Variants in SRGAP1 observed in about 807,000 individuals in gnomAD.
SRGAP1 encodes SLIT-ROBO Rho GTPase activating protein 1, also known as SLIT-ROBO Rho GTPase-activating protein 1.
A neutral mutation model predicts 121.9 loss-of-function variants in SRGAP1; 43 were observed. The ratio of observed to expected loss-of-function variants is 0.35; its 90% CI spans 0.28 to 0.46. SRGAP1 has a LOEUF of 0.46. Ranked by LOEUF, SRGAP1 falls within the 20% of genes least tolerant of loss-of-function variation. SRGAP1 has a pLI of 1.00. For missense variants in SRGAP1, 1,102 were observed against 1,350.9 expected, an observed-to-expected ratio of 0.82 and a Z score of 2.89; for synonymous variants, 447 against 485.4, an observed-to-expected ratio of 0.92 and a Z score of 1.04.
intron 1 of SRGAP1, among the ~76,000 whole-genome samples, chr12:63,972,945 C>T (rs767293454): frequency 1.3e-5 from 2 of 151,842 alleles, no homozygotes; most frequent in Non-Finnish European, 2.9e-5. Flanking sequence ...GTCAGGAGCT[C>T]GAGACCAGCC....
chr12:64,062,959 A>C lies in SRGAP1; in HGVS notation c.844A>C (p.Arg282=), dbSNP rs754414509. Residue 282 remains arginine (R), a synonymous_variant, in exon 7 of 22, where the codon AGA becomes CGA. Coordinates refer to ENST00000355086, the MANE Select transcript of SRGAP1 (RefSeq NM_020762.4). ...CCATGCAAGTCTGAACAGAGCCCTA[A>C]GAACATATCTGTCTGCGGAGTACAA... is the stretch of plus-strand genomic sequence containing the variant. ...GYHASLNRAL[R]TYLSAEYNLE... 33 of 1,613,958 alleles carry C rather than the reference A, an allele frequency of 2.0e-5. No individual in the cohort carries two copies. Among genetic ancestry groups the C allele is most frequent in the Non-Finnish European group, 2.7e-5 (32 of 1,180,002 alleles).
intron 1 of SRGAP1, among the ~76,000 whole-genome samples, chr12:63,980,318 T>G (rs1483404462): frequency 6.6e-6 from 1 of 152,198 alleles, no homozygotes; most frequent in Non-Finnish European, 1.5e-5. Context: ...CCTCCCAAAG[T>G]GTTGGGATTA....
intron 21 of SRGAP1, among the ~76,000 whole-genome samples, chr12:64,141,592 A>C (rs190748451): frequency 1.3e-5 from 2 of 152,134 alleles, no homozygotes; most frequent in African/African-American, 2.4e-5. Context: ...GGGGGGAAAA[A>C]GTTGAAAATC....
At chr12:63,990,943 C>T (rs985643972) in intron 3 of SRGAP1, among the ~76,000 whole-genome samples, 31 of 152,168 alleles carry the variant, frequency 2.0e-4, no homozygotes, top group African/African-American at 6.3e-4. Context: ...TACACACCAG[C>T]GAGCTTCCTC....
chr12:63,976,740 G>A (rs12313251), intron 1 of SRGAP1, among the ~76,000 whole-genome samples: 3,421 of 152,148 alleles, frequency 0.022, 123 homozygotes, highest in African/African-American at 0.073. Context: ...GGGAAGTATT[G>A]TTTTATAAAA....
intron 1 of SRGAP1, chr12:63,888,740 A>T (rs1419668882): frequency 2.6e-5 from 4 of 152,242 alleles, no homozygotes; most frequent in Non-Finnish European, 5.9e-5. Context: ...TTCTGTTAAT[A>T]ATCAAGGAGG....
intron 1 of SRGAP1, among the ~76,000 whole-genome samples, chr12:63,866,629 A>G (rs927709684): frequency 6.6e-6 from 1 of 152,096 alleles, no homozygotes; most frequent in African/African-American, 2.4e-5. Context: ...CATCCTTCCA[A>G]TGGCAAAATT....
Position 63,936,410 on chromosome 12 carries a change from T to C in SRGAP1, c.68-47537T>C, listed in dbSNP as rs139008051. On this transcript the variant is annotated intron_variant, in intron 1 of 21. Transcript: ENST00000355086. ...ATAGTTCCTTTCCAGTTATCAGAAA[T>C]TGGCTTACAGTTGGATATGTAGCCC... Among the ~76,000 whole-genome samples the C allele has an allele frequency of 4.9e-3, 749 of 152,304 alleles. 3 individuals are homozygous for C. Among genetic ancestry groups the C allele is most frequent in the Non-Finnish European group, 7.9e-3 (539 of 68,022 alleles).
rs757065762 is a variant in SRGAP1, at chr12:64,079,051, C to A, written c.1258C>A (p.Leu420Met). 6.2e-7 allele frequency: 1 copy of A among 1,614,126 alleles called. No individual in the cohort carries two copies. Among genetic ancestry groups the A allele is most frequent in the East Asian group, 2.2e-5 (1 of 44,866 alleles). Residue 420 changes from leucine (L) to methionine (M), a missense_variant, in exon 9 of 22, where the codon CTG becomes ATG. By Grantham distance (15) the Leu-to-Met change is conservative (BLOSUM62 2). Around this residue, in one of 3 missense-constraint regions of SRGAP1, gnomAD observed 747 missense variants for 929.4 expected, o/e 0.80. Transcript: ENST00000355086. ...SVKSTVSETY[L>M]SKPSIAKRRA... ...GAAGTCCACTGTCTCTGAAACCTAC[C>A]TGAGTAAACCCAGCATCGCCAAGAG...
chr12:64,037,600 C>T (rs1166365488), intron 4 of SRGAP1, among the ~76,000 whole-genome samples: 1 of 152,244 alleles, frequency 6.6e-6, no homozygotes, highest in Admixed American at 6.5e-5. Context: ...TATCCTTCAG[C>T]TTGTTACCCA....
chr12:63,907,199 G>A (rs1592935088), intron 1 of SRGAP1, among the ~76,000 whole-genome samples: 1 of 152,054 alleles, frequency 6.6e-6, no homozygotes, highest in African/African-American at 2.4e-5. Context: ...ATGGCCATTT[G>A]TGTATCTACC....
At chr12:64,036,555 T>C (rs1044560602) in intron 4 of SRGAP1, among the ~76,000 whole-genome samples, 15 of 152,210 alleles carry the variant, frequency 9.9e-5, no homozygotes, top group African/African-American at 3.4e-4. Flanking sequence ...TTAGGAAATA[T>C]TGTCACTAAC....
At chr12:63,979,996 G>A (rs1423442646) in intron 1 of SRGAP1, among the ~76,000 whole-genome samples, 4 of 152,160 alleles carry the variant, frequency 2.6e-5, no homozygotes, top group Admixed American at 6.5e-5. Context: ...AGCCGCCTGC[G>A]GCCCCATGGC....
chr12:64,123,168 G>A (rs986829450), intron 18 of SRGAP1, among the ~76,000 whole-genome samples: 1 of 152,164 alleles, frequency 6.6e-6, no homozygotes, highest in African/African-American at 2.4e-5. Flanking sequence ...GTTCACACAG[G>A]AATTTGCAAA....
intron 8 of SRGAP1, among the ~76,000 whole-genome samples, chr12:64,072,162 G>GA (rs945203544): frequency 7.3e-6 from 1 of 136,380 alleles, no homozygotes; most frequent in Non-Finnish European, 1.6e-5. Flanking sequence ...GGCGGGGGGG[G>GA]GCTCTTTCTG....
At chr12:63,971,001 G>C (rs560646150) in intron 1 of SRGAP1, among the ~76,000 whole-genome samples, 19 of 152,088 alleles carry the variant, frequency 1.2e-4, no homozygotes, top group Non-Finnish European at 2.6e-4. Flanking sequence ...CCCAGCCTCT[G>C]CCTACCTAAC....
At position 64,111,980 on chromosome 12, in the gene SRGAP1, A is replaced by ACTATACATTTGGTAAGT. The variant is rs2036436960; in HGVS notation, c.2142_2143insACATTTGGTAAGTCTAT (p.Cys715ThrfsTer38). ...TATGAGAAATGTATGGCTGGAGATG[A>ACTATACATTTGGTAAGT]CTATTGGTAAGTCTAAGAATTTTAG... is the stretch of plus-strand genomic sequence containing the variant. On this transcript the variant is annotated frameshift_variant, in exon 17 of 22. Coordinates refer to ENST00000355086, the MANE Select transcript of SRGAP1 (RefSeq NM_020762.4). LOFTEE classifies it high-confidence loss of function. The ACTATACATTTGGTAAGT allele has an allele frequency of 6.2e-7, 1 of 1,612,812 alleles. No individual in the cohort carries two copies. Among genetic ancestry groups the ACTATACATTTGGTAAGT allele is most frequent in the Non-Finnish European group, 8.5e-7 (1 of 1,179,214 alleles).
intron 11 of SRGAP1, among the ~76,000 whole-genome samples, chr12:64,088,140 A>G (rs1253928715): frequency 6.6e-6 from 1 of 152,222 alleles, no homozygotes; most frequent in Non-Finnish European, 1.5e-5. Context: ...ATTGCTGGGC[A>G]GCTTATTCAT....
chr12:64,099,758 G>A (rs750675846), intron 15 of SRGAP1, among the ~76,000 whole-genome samples: 2 of 152,184 alleles, frequency 1.3e-5, no homozygotes, highest in East Asian at 1.9e-4. Context: ...AACAAGTGCT[G>A]TACAATGCTT....
Sources: allele counts gnomAD v4.1 joint callset (sites outside exome capture counted in the v4.1 genomes callset), GRCh38; gene constraint gnomAD v4.1.1; regional missense constraint gnomAD v4.1.1; transcripts MANE v1.5; gene names NCBI Gene and HGNC (gene_info 2026-07-23, HGNC 2026-07-21).